FHIT: variants seen among roughly 807,000 people sequenced by gnomAD.
The protein encoded by FHIT is fragile histidine triad diadenosine triphosphatase.
In FHIT, 19 loss-of-function variants were observed where a neutral mutation model predicts 17.9. The ratio of observed to expected loss-of-function variants is 1.06; its 90% CI spans 0.74 to 1.56. FHIT has a LOEUF of 1.56. Ranked by LOEUF, FHIT falls within the 40% of genes most tolerant of loss-of-function variation. The probability of loss-of-function intolerance (pLI) is 0.00; values close to 1 mark genes in which losing one functional copy is unlikely to be tolerated. For synonymous variants in FHIT, 81 were observed against 69.7 expected, an observed-to-expected ratio of 1.16 and a Z score of -0.81; for missense variants, 248 against 189.2, an observed-to-expected ratio of 1.31 and a Z score of -1.82.
chr3:59,980,528 G>C (rs1708606512), intron 7 of FHIT, among the ~76,000 whole-genome samples: 1 of 152,146 alleles, frequency 6.6e-6, no homozygotes, highest in Non-Finnish European at 1.5e-5. Context: ...AAGATGGATG[G>C]GATGATAGCA....
At chr3:60,188,636 A>G (rs1702267205) in intron 5 of FHIT, among the ~76,000 whole-genome samples, 1 of 152,196 alleles carries the variant, frequency 6.6e-6, no homozygotes, top group Non-Finnish European at 1.5e-5. Flanking sequence ...TTTTATAAAG[A>G]AATTAATTCA....
At position 60,536,927 on chromosome 3, in the gene FHIT, G is replaced by A. The variant is rs943549053; in HGVS notation, c.36C>T (p.Pro12=). ...SFRFGQHLIK[P]SVVFLKTELS... ...GTTCTGTTTTGAGAAACACTACAGA[G>A]GGCTTGATGAGATGTTGGCCAAATC... Residue 12 remains proline (P), a synonymous_variant, in exon 5 of 10, where the codon CCC becomes CCT. Coordinates refer to ENST00000492590, the MANE Select transcript of FHIT (RefSeq NM_002012.4). 6.2e-7 allele frequency: 1 copy of A among 1,612,964 alleles called. No homozygotes were observed. The highest frequency in any genetic ancestry group is 8.5e-7 in the Non-Finnish European group (1 of 1,179,442).
chr3:60,772,817 T>C (rs1194245647), intron 4 of FHIT, among the ~76,000 whole-genome samples: 1 of 152,194 alleles, frequency 6.6e-6, no homozygotes, highest in Non-Finnish European at 1.5e-5. Context: ...TTTTTGCATG[T>C]CTGGCACCCA....
intron 2 of FHIT, among the ~76,000 whole-genome samples, chr3:61,080,708 A>C (rs1487022649): frequency 1.3e-5 from 2 of 152,176 alleles, no homozygotes; most frequent in African/African-American, 4.8e-5. Flanking sequence ...TGAATATTTA[A>C]GGTGCTTGAT....
chr3:60,658,578 A>G (rs2040169725), intron 4 of FHIT, among the ~76,000 whole-genome samples: 1 of 152,102 alleles, frequency 6.6e-6, no homozygotes, highest in African/African-American at 2.4e-5. Context: ...CTCTGTCCCC[A>G]CTTCTTTAAA....
chr3:60,794,039 T>C (rs10510854), intron 4 of FHIT, among the ~76,000 whole-genome samples: 1,980 of 152,140 alleles, frequency 0.013, 48 homozygotes, highest in African/African-American at 0.044. Context: ...GGTTGGAGAA[T>C]TCAAAAAGTG....
At chr3:60,367,773 G>A (rs749928526) in intron 5 of FHIT, among the ~76,000 whole-genome samples, 36 of 152,046 alleles carry the variant, frequency 2.4e-4, no homozygotes, top group South Asian at 2.1e-4. Context: ...TCAAGTTATC[G>A]AATATTTCTA....
chr3:60,796,163 G>A (rs1700974700), intron 4 of FHIT, among the ~76,000 whole-genome samples: 1 of 152,036 alleles, frequency 6.6e-6, no homozygotes, highest in Admixed American at 6.6e-5. Flanking sequence ...CCTCCCCCTA[G>A]GTACCTCCCA....
chr3:60,038,550 T>C (rs907596601), intron 5 of FHIT, among the ~76,000 whole-genome samples: 17 of 152,332 alleles, frequency 1.1e-4, no homozygotes, highest in African/African-American at 3.6e-4. Flanking sequence ...AAACGCTTGA[T>C]AGTTCAATAG....
chr3:60,141,656 A>G (rs1700044017), intron 5 of FHIT, among the ~76,000 whole-genome samples: 1 of 152,186 alleles, frequency 6.6e-6, no homozygotes, highest in Non-Finnish European at 1.5e-5. Flanking sequence ...ATGTTTTTAG[A>G]AAAACATCCT....
intron 3 of FHIT, among the ~76,000 whole-genome samples, chr3:60,998,406 C>T (rs905618138): frequency 1.3e-5 from 2 of 152,156 alleles, no homozygotes; most frequent in East Asian, 1.9e-4. Flanking sequence ...CTTTTGAGGA[C>T]GCACTTTCTC....
chr3:59,826,366 C>T (rs1263009850), intron 8 of FHIT, among the ~76,000 whole-genome samples: 1 of 152,200 alleles, frequency 6.6e-6, no homozygotes, highest in Non-Finnish European at 1.5e-5. Flanking sequence ...CAGCAACTTC[C>T]ATTTGGTTTA....
chr3:60,470,506 A>T (rs1024881131), intron 5 of FHIT, among the ~76,000 whole-genome samples: 25 of 151,642 alleles, frequency 1.6e-4, no homozygotes, highest in African/African-American at 6.1e-4. Flanking sequence ...GGGCACATGG[A>T]GAGTATTGCC....
At chr3:60,914,853 T>G (rs1281555642) in intron 3 of FHIT, among the ~76,000 whole-genome samples, 3 of 152,228 alleles carry the variant, frequency 2.0e-5, no homozygotes, top group Non-Finnish European at 4.4e-5. Context: ...AATGGCAACT[T>G]GTAAACTTCA....
At chr3:60,333,784 T>A (rs1022215955) in intron 5 of FHIT, among the ~76,000 whole-genome samples, 2 of 152,130 alleles carry the variant, frequency 1.3e-5, no homozygotes, top group African/African-American at 4.8e-5. Flanking sequence ...AGTTCCTTTC[T>A]CAAGAAACCA....
chr3:60,369,540 G>T (rs905794836), intron 5 of FHIT, among the ~76,000 whole-genome samples: 2 of 152,054 alleles, frequency 1.3e-5, no homozygotes, highest in Non-Finnish European at 2.9e-5. Flanking sequence ...TTAACATATT[G>T]AGTATTTTTG....
intron 5 of FHIT, among the ~76,000 whole-genome samples, chr3:60,093,051 GGCAAC>G (rs1576081715): frequency 1.3e-5 from 2 of 152,248 alleles, no homozygotes; most frequent in East Asian, 3.9e-4. Context: ...TCACTTACAA[GGCAAC>G]GCATCAGTTT....
chr3:59,985,127 C>G (rs548707127), intron 7 of FHIT, among the ~76,000 whole-genome samples: 1 of 152,134 alleles, frequency 6.6e-6, no homozygotes, highest in Non-Finnish European at 1.5e-5. Flanking sequence ...GTTGCCTGCT[C>G]TAACTCTTGA....
At chr3:60,861,378 A>G (rs979045203) in intron 3 of FHIT, among the ~76,000 whole-genome samples, 2 of 147,608 alleles carry the variant, frequency 1.4e-5, no homozygotes, top group African/African-American at 5.1e-5. Context: ...GATATTTTGG[A>G]CTACAGAATT....
Sources: gnomAD v4.1 joint callset for allele counts (sites outside exome capture counted in the v4.1 genomes callset) on GRCh38, gnomAD v4.1.1 for gene constraint, MANE v1.5 for transcripts, NCBI Gene and HGNC (gene_info 2026-07-23, HGNC 2026-07-21) for gene names.